The following CEMIP2 variants were observed in gnomAD, a reference collection of about 807,000 sequenced individuals.
CEMIP2 encodes the protein cell surface hyaluronidase CEMIP2.
In CEMIP2, 79 loss-of-function variants were observed where a neutral mutation model predicts 146.9. The ratio of observed to expected loss-of-function variants is 0.54; its 90% CI spans 0.45 to 0.65. CEMIP2 has a LOEUF of 0.65. CEMIP2 is among the 30% of genes least tolerant of loss of function. The pLI, the probability that CEMIP2 is intolerant of heterozygous loss-of-function variation, is 0.00. For missense variants in CEMIP2, 1,596 were observed against 1,696.2 expected, an observed-to-expected ratio of 0.94 and a Z score of 1.04; for synonymous variants, 601 against 606.3, an observed-to-expected ratio of 0.99 and a Z score of 0.13.
intron 8 of CEMIP2, 83 bp downstream of exon 8, chr9:71,730,622 A>C: frequency 1.4e-6 from 2 of 1,393,118 alleles, no homozygotes; most frequent in South Asian, 1.3e-5. Context: ...AACAGTTTAC[A>C]TATATAAAAT....
intron 17 of CEMIP2, among the ~76,000 whole-genome samples, chr9:71,707,953 G>A (rs1822799009): frequency 6.6e-6 from 1 of 152,120 alleles, no homozygotes; most frequent in Admixed American, 6.5e-5. Context: ...TTGGGAGGCC[G>A]AGGTGGGCGG....
At position 71,746,316 on chromosome 9, in the gene CEMIP2, A is replaced by G. The variant is rs1357346991; in HGVS notation, c.357T>C (p.Arg119=). Residue 119 remains arginine (R), a synonymous_variant, in exon 3 of 24, where the codon CGT becomes CGC. Transcript: ENST00000377044. The part of the protein sequence containing the change: ...PDENCPDQNP[R]LRNWDPGQDS... ...CTTGTCCTGGATCCCAATTCCTGAGACGAGGATTTTGATCTGGGCAATTTT... is the reference window on the plus strand; with the variant it reads ...CTTGTCCTGGATCCCAATTCCTGAGGCGAGGATTTTGATCTGGGCAATTTT... 1 of 1,613,814 alleles carries G rather than the reference A, an allele frequency of 6.2e-7. No individual in the cohort carries two copies. Among genetic ancestry groups the G allele is most frequent in the Non-Finnish European group, 8.5e-7 (1 of 1,179,884 alleles).
intron 6 of CEMIP2, among the ~76,000 whole-genome samples, chr9:71,734,566 A>T (rs1016401306): frequency 2.0e-5 from 3 of 152,162 alleles, no homozygotes; most frequent in Non-Finnish European, 4.4e-5. Context: ...TCTTTTTTTT[A>T]TACAAAGAAA....
Position 71,728,281 on chromosome 9 carries a change from GTATATA to G in CEMIP2, c.2049+1558_2049+1563del, listed in dbSNP as rs1228923367. 1.8e-3 allele frequency among the ~76,000 whole-genome samples: 17 copies of G among 9,244 alleles called. 1 individual carries two copies. The highest frequency in any genetic ancestry group is 6.2e-3 in the African/African-American group (13 of 2,096). 6.1% of individuals were successfully genotyped at this position (9,244 alleles called of 152,430 possible). A position where few individuals can be genotyped will look rare whatever the true frequency, so the allele number is the denominator to read the frequency against. On this transcript the variant is annotated intron_variant, in intron 10 of 23. Coordinates refer to ENST00000377044, the MANE Select transcript of CEMIP2 (RefSeq NM_013390.3). ...TACACGTATATATATATATATATAT[GTATATA>G]TATATATATATATACATATATATAT...
rs758429364 is a variant in CEMIP2, at chr9:71,717,943, C to A, written c.2399+5G>T. ...TCATATAATAACTTGGTAGAGAATA[C>A]CCACGCTGAATTTTGAACGATAATA... On this transcript the variant is annotated splice_donor_5th_base_variant and intron_variant, in intron 13 of 23. Coordinates refer to ENST00000377044, the MANE Select transcript of CEMIP2 (RefSeq NM_013390.3). 1 of 1,601,814 alleles carries A rather than the reference C, an allele frequency of 6.2e-7. No individual in the cohort carries two copies. Among genetic ancestry groups the A allele is most frequent in the East Asian group, 2.2e-5 (1 of 44,566 alleles).
chr9:71,754,575 C>T (rs1185631184), intron 1 of CEMIP2, among the ~76,000 whole-genome samples: 1 of 152,050 alleles, frequency 6.6e-6, no homozygotes, highest in African/African-American at 2.4e-5. Context: ...AGACAAACTA[C>T]AGACTGTGAC....
intron 16 of CEMIP2, 107 bp downstream of exon 16, chr9:71,711,976 C>A: frequency 8.2e-7 from 1 of 1,225,468 alleles, no homozygotes; most frequent in Non-Finnish European, 1.1e-6. Flanking sequence ...TGTCTCCTCC[C>A]ACTCGTACAG....
At chr9:71,703,140 G>C (rs185683190) in intron 18 of CEMIP2, among the ~76,000 whole-genome samples, 1 of 152,186 alleles carries the variant, frequency 6.6e-6, no homozygotes, top group Non-Finnish European at 1.5e-5. Context: ...ACTGCTCCAC[G>C]GAGCCAGGCA....
intron 10 of CEMIP2, among the ~76,000 whole-genome samples, chr9:71,728,256 T>TATATATATATAA: frequency 3.3e-5 from 1 of 30,722 alleles, no homozygotes; most frequent in African/African-American, 9.2e-5. Context: ...TATATGTATA[T>TATATATATATAA]ACACGTATAT....
rs763605378 is a variant in CEMIP2, at chr9:71,718,030, G to C, written c.2317C>G (p.Leu773Val). Reference sequence around the variant, plus strand: ...TTAAAAGCAATGAGCCTGTCAATTAGAGCAGCAACACGTGGTTTTTCGGGG... The same window carrying C: ...TTAAAAGCAATGAGCCTGTCAATTACAGCAGCAACACGTGGTTTTTCGGGG... Reference protein sequence around the residue: ...ANPEKPRVAALIDRLIAFKNN... With the variant: ...ANPEKPRVAAVIDRLIAFKNN... The change falls in exon 13 of 24, where the codon CTA becomes GTA. Residue 773 changes from leucine to valine, a missense_variant. By Grantham distance (32) the Leu-to-Val change is conservative. Coordinates refer to ENST00000377044, the MANE Select transcript of CEMIP2 (RefSeq NM_013390.3). The C allele has an allele frequency of 3.7e-6, 6 of 1,612,934 alleles. No homozygotes were observed. The South Asian group carries it at 4.4e-5, about 12-fold the overall frequency.
At chr9:71,698,720 T>A (rs1387850946) in intron 19 of CEMIP2, among the ~76,000 whole-genome samples, 1 of 152,246 alleles carries the variant, frequency 6.6e-6, no homozygotes, top group Non-Finnish European at 1.5e-5. Context: ...CAGATGGACC[T>A]GGGTTCCTTC....
intron 20 of CEMIP2, among the ~76,000 whole-genome samples, chr9:71,695,558 C>T (rs1267030152): frequency 3.3e-5 from 5 of 151,956 alleles, no homozygotes; most frequent in African/African-American, 1.2e-4. Flanking sequence ...TCTGTAGTTC[C>T]AGCTACTTGG....
chr9:71,712,877 A>G (rs940879698), intron 15 of CEMIP2, among the ~76,000 whole-genome samples: 2 of 152,234 alleles, frequency 1.3e-5, no homozygotes, highest in Non-Finnish European at 2.9e-5. Context: ...ACTGTAATTA[A>G]TGTATAGGAA....
At chr9:71,690,341 C>T in intron 21 of CEMIP2, 95 bp from the exon 22 acceptor site, 3 of 1,397,304 alleles carry the variant, frequency 2.1e-6, no homozygotes, top group Non-Finnish European at 2.9e-6. Context: ...GTCTTCTAAA[C>T]CCATGATTCA....
intron 11 of CEMIP2, 114 bp downstream of exon 11, chr9:71,725,467 A>C: frequency 8.7e-7 from 1 of 1,151,188 alleles, no homozygotes; most frequent in Non-Finnish European, 1.2e-6. Flanking sequence ...TTATAAGTTA[A>C]CTAGTCTGTG....
rs559161528 is a variant in CEMIP2 at position 71,694,355 on chromosome 9, C to T, written c.3696+154G>A. Among the ~76,000 whole-genome samples, 702 of 152,132 alleles carry T rather than the reference C, an allele frequency of 4.6e-3. 4 individuals are homozygous for T. The highest frequency in any genetic ancestry group is 0.017 in the Middle Eastern group (5 of 294). The stretch of plus-strand genomic sequence containing the variant: ...GTTAGCCAGGATGGTCTCGATCTAA[C>T]CTTATGATCTGCCCACCTTGGCCTC... On this transcript the variant is annotated intron_variant, in intron 21 of 23. Coordinates refer to ENST00000377044, the MANE Select transcript of CEMIP2 (RefSeq NM_013390.3).
chr9:71,720,200 A>C (rs955945278), intron 12 of CEMIP2, among the ~76,000 whole-genome samples: 8 of 152,238 alleles, frequency 5.3e-5, no homozygotes, highest in Admixed American at 3.9e-4. Flanking sequence ...ATTTCAAACC[A>C]AGAGCTTTCT....
In CEMIP2 at chr9:71,745,655, G is replaced by A. The variant is rs1824066976; in HGVS notation, c.473-76C>T. On this transcript the variant is annotated intron_variant, in intron 3 of 23. Coordinates refer to ENST00000377044, the MANE Select transcript of CEMIP2 (RefSeq NM_013390.3). ...TACAAGGAAATAGATTTCACCTTAA[G>A]TTAAATACACTTCCGCAATTAGGTC... 1.4e-5 allele frequency: 19 copies of A among 1,394,570 alleles called. No homozygotes were observed. The South Asian group carries it at 2.5e-4, about 19-fold the overall frequency. The allele number at this position is 1,394,570 out of a possible 1,614,324, so 86.4% of individuals were successfully genotyped here.
At chr9:71,713,791 A>C (rs761658176) in intron 15 of CEMIP2, among the ~76,000 whole-genome samples, 2 of 152,224 alleles carry the variant, frequency 1.3e-5, no homozygotes, top group Admixed American at 6.5e-5. Context: ...CTTTAGTAAG[A>C]TACTCATTTG....
Sources: gnomAD v4.1 joint callset for allele counts (sites outside exome capture counted in the v4.1 genomes callset) on GRCh38, gnomAD v4.1.1 for gene constraint, MANE v1.5 for transcripts, NCBI Gene and HGNC (gene_info 2026-07-23, HGNC 2026-07-21) for gene names.